Variants in CARMIL1 observed in about 807,000 individuals in gnomAD.
CARMIL1 encodes capping protein regulator and myosin 1 linker 1.
A neutral mutation model predicts 177.1 loss-of-function variants in CARMIL1; 90 were observed. That is an observed-to-expected ratio of 0.51 (90% CI 0.43 to 0.61). The LOEUF (loss-of-function observed/expected upper bound fraction) is 0.61. CARMIL1 is among the 20% of genes least tolerant of loss of function. The pLI, the probability that CARMIL1 is intolerant of heterozygous loss-of-function variation, is 0.00. For synonymous variants in CARMIL1, 577 were observed against 606.2 expected (o/e 0.95, Z 0.71); for missense variants, 1,380 against 1,667.0 (o/e 0.83, Z 3.00).
At chr6:25,605,853 G>C (rs1266763136) in intron 34 of CARMIL1, among the ~76,000 whole-genome samples, 1 of 152,136 alleles carries the variant, frequency 6.6e-6, no homozygotes, top group African/African-American at 2.4e-5. Flanking sequence ...CAACCAAAAA[G>C]TTTATTGCTT....
chr6:25,488,549 C>T lies in CARMIL1; in HGVS notation c.1029C>T (p.Asp343=). 1.2e-6 allele frequency: 2 copies of T among 1,614,000 alleles called. No individual in the cohort carries two copies. Among genetic ancestry groups the T allele is most frequent in the Non-Finnish European group, 1.7e-6 (2 of 1,179,866 alleles). ...PLTASTLVHL[D]LSGNVLRGDD... ...CCGCCTCTACCCTTGTCCACCTCGA[C>T]CTCTCAGGGAACGTCCTTCGTGGAG... The change falls in exon 13 of 37, where the codon GAC becomes GAT. Residue 343 remains aspartate, a synonymous_variant. Transcript: ENST00000329474.
At chr6:25,473,897 A>G (rs1801291684) in intron 11 of CARMIL1, among the ~76,000 whole-genome samples, 1 of 152,178 alleles carries the variant, frequency 6.6e-6, no homozygotes, top group African/African-American at 2.4e-5. Context: ...ACATTTTATT[A>G]AAAGTGTTTG....
At chr6:25,358,153 A>G (rs1294452511) in intron 2 of CARMIL1, among the ~76,000 whole-genome samples, 1 of 152,234 alleles carries the variant, frequency 6.6e-6, no homozygotes, top group East Asian at 1.9e-4. Flanking sequence ...TCTGAGCAAA[A>G]TTGTGAGCAG....
At chr6:25,306,248 C>T (rs557175370) in intron 2 of CARMIL1, among the ~76,000 whole-genome samples, 9 of 152,244 alleles carry the variant, frequency 5.9e-5, no homozygotes, top group South Asian at 4.2e-4. Flanking sequence ...CCCAGGGCTG[C>T]GGATAGGTAC....
chr6:25,532,227 A>G (rs558538364), intron 24 of CARMIL1, among the ~76,000 whole-genome samples: 3 of 151,084 alleles, frequency 2.0e-5, no homozygotes, highest in African/African-American at 7.3e-5. Context: ...GCCTGTCTTT[A>G]CTTAATACAA....
chr6:25,293,265 G>GGTGTGT (rs57127326), intron 2 of CARMIL1, among the ~76,000 whole-genome samples: 3,198 of 134,300 alleles, frequency 0.024, 63 homozygotes, highest in South Asian at 0.027. Flanking sequence ...AAGGATGCTT[G>GGTGTGT]GTGTGTGTGT....
chr6:25,421,906 G>T (rs62392368), intron 3 of CARMIL1, among the ~76,000 whole-genome samples: 18,586 of 147,596 alleles, frequency 0.13, 1,526 homozygotes, highest in East Asian at 0.28. Context: ...AGCATTAGGA[G>T]ATATACCTAA....
At chr6:25,347,317 C>G (rs1174971843) in intron 2 of CARMIL1, among the ~76,000 whole-genome samples, 2 of 152,236 alleles carry the variant, frequency 1.3e-5, no homozygotes, top group Non-Finnish European at 2.9e-5. Context: ...TTAATCACAA[C>G]TACCTAAATT....
At chr6:25,336,768 A>T (rs1324349023) in intron 2 of CARMIL1, among the ~76,000 whole-genome samples, 1 of 152,236 alleles carries the variant, frequency 6.6e-6, no homozygotes, top group African/African-American at 2.4e-5. Context: ...GAAACAAAAA[A>T]GTCAGGAAAC....
At chr6:25,428,536 T>C (rs1796466381) in intron 4 of CARMIL1, among the ~76,000 whole-genome samples, 1 of 152,216 alleles carries the variant, frequency 6.6e-6, no homozygotes, top group African/African-American at 2.4e-5. Context: ...GTATGAATTT[T>C]AGAAACACCT....
intron 29 of CARMIL1, among the ~76,000 whole-genome samples, chr6:25,569,568 C>T (rs1027865746): frequency 3.3e-5 from 5 of 152,190 alleles, no homozygotes; most frequent in African/African-American, 7.2e-5. Context: ...ACTCAAGTTT[C>T]TTAAAGCAGT....
At chr6:25,387,035 C>T (rs78532488) in intron 2 of CARMIL1, among the ~76,000 whole-genome samples, 2,808 of 140,838 alleles carry the variant, frequency 0.02, 81 homozygotes, top group East Asian at 0.14. Flanking sequence ...GAGCCTGAGG[C>T]GGGAGAATCG....
intron 29 of CARMIL1, among the ~76,000 whole-genome samples, chr6:25,571,771 T>C (rs1382888650): frequency 6.6e-6 from 1 of 152,126 alleles, no homozygotes; most frequent in Non-Finnish European, 1.5e-5. Flanking sequence ...TTTCACTGAA[T>C]CTAATCATGA....
intron 2 of CARMIL1, among the ~76,000 whole-genome samples, chr6:25,303,082 A>G (rs1439825738): frequency 6.6e-6 from 1 of 150,688 alleles, no homozygotes; most frequent in African/African-American, 2.4e-5. Context: ...GATGAGAGAG[A>G]AATTGCATGT....
intron 8 of CARMIL1, chr6:25,452,145 G>C: frequency 2.6e-6 from 2 of 764,960 alleles, no homozygotes; most frequent in Non-Finnish European, 4.8e-6. Flanking sequence ...GCACAGCCTG[G>C]GACTACGGAA....
rs915310212 is a variant in CARMIL1, at chr6:25,472,407, A to G, written c.780-20A>G. The G allele has an allele frequency of 6.7e-7, 1 of 1,493,876 alleles. No homozygotes were observed. The allele number at this position is 1,493,876 out of a possible 1,614,324, so 92.5% of individuals were successfully genotyped here. ...GTTTTACATTTTGTTATTTAATCTT[A>G]TTGTTTTGTTTACACGCAGAGATTT... On this transcript the variant is annotated intron_variant, in intron 10 of 36. Transcript: ENST00000329474.
rs527274489 is a variant in CARMIL1 at position 25,432,735 on chromosome 6, C to T, written c.250-2748C>T. On this transcript the variant is annotated intron_variant, in intron 4 of 36. Transcript: ENST00000329474. ...ACCACACATGGATGGATAAGCCATC[C>T]ACCACCACATATTTCTGACAGAGGA... Among the ~76,000 whole-genome samples the T allele has an allele frequency of 3.7e-3, 560 of 152,172 alleles. 11 individuals carry two copies. The highest frequency in any genetic ancestry group is 0.033 in the Admixed American group (508 of 15,280).
At chr6:25,309,787 G>A (rs1243842207) in intron 2 of CARMIL1, among the ~76,000 whole-genome samples, 1 of 70,686 alleles carries the variant, frequency 1.4e-5, no homozygotes, top group Admixed American at 1.5e-4. Context: ...TTTTTTTTTT[G>A]GAGACAGAAT....
At chr6:25,288,585 G>A (rs1781702457) in intron 2 of CARMIL1, among the ~76,000 whole-genome samples, 1 of 150,710 alleles carries the variant, frequency 6.6e-6, no homozygotes, top group Admixed American at 6.6e-5. Flanking sequence ...ATACTGCATA[G>A]CACAGTGGCT....
Sources: allele counts gnomAD v4.1 joint callset (sites outside exome capture counted in the v4.1 genomes callset), GRCh38; gene constraint gnomAD v4.1.1; transcripts MANE v1.5; gene names NCBI Gene and HGNC (gene_info 2026-07-23, HGNC 2026-07-21).